Variants in NREP observed in about 807,000 individuals in gnomAD.
The protein encoded by NREP is neuronal regeneration related protein.
Under a neutral mutation model 8.6 loss-of-function variants are expected in NREP, and 5 were observed. The observed-to-expected ratio is 0.58, with a 90% CI of 0.30 to 1.22. The LOEUF (loss-of-function observed/expected upper bound fraction) is 1.22, where lower values mean the gene tolerates loss of function less well. Ranked by LOEUF, NREP falls within the 50% of genes most tolerant of loss-of-function variation. The pLI is 0.07. For missense variants in NREP, 86 were observed against 82.5 expected, an observed-to-expected ratio of 1.04 and a Z score of -0.17; for synonymous variants, 27 against 28.0, an observed-to-expected ratio of 0.96 and a Z score of 0.11.
chr5:111,832,560 G>A (rs948109066), intron 2 of NREP, among the ~76,000 whole-genome samples: 6 of 152,138 alleles, frequency 3.9e-5, no homozygotes, highest in Middle Eastern at 6.8e-3. Flanking sequence ...GACCATCCTG[G>A]AGGCTTCCTC....
chr5:111,768,148 A>G (rs1457177692), intron 2 of NREP, among the ~76,000 whole-genome samples: 1 of 152,212 alleles, frequency 6.6e-6, no homozygotes, highest in African/African-American at 2.4e-5. Flanking sequence ...TTTAAAGCAA[A>G]TAAACAAAAA....
At chr5:111,809,675 C>T (rs1752224603) in intron 2 of NREP, among the ~76,000 whole-genome samples, 5 of 152,114 alleles carry the variant, frequency 3.3e-5, no homozygotes. Flanking sequence ...ACAGTAAGCC[C>T]TCACCAGAAG....
rs192159043 is a variant in NREP at position 111,860,692 on chromosome 5, C to G, written c.135+114582G>C. Reference sequence around the variant, plus strand: ...TTCTAACTTTATTTCCTATTTGTCACCTGACATATAATAGACACCATTTAA... The same window carrying G: ...TTCTAACTTTATTTCCTATTTGTCAGCTGACATATAATAGACACCATTTAA... On this transcript the variant is annotated intron_variant, in intron 2 of 3. Transcript: ENST00000395634. Among the ~76,000 whole-genome samples, 374 of 152,232 alleles carry G rather than the reference C, an allele frequency of 2.5e-3. 3 individuals carry two copies. Among genetic ancestry groups the G allele is most frequent in the African/African-American group, 8.5e-3 (352 of 41,532 alleles).
chr5:111,863,256 T>G (rs1034349286), intron 2 of NREP, among the ~76,000 whole-genome samples: 4 of 152,014 alleles, frequency 2.6e-5, no homozygotes, highest in Admixed American at 6.6e-5. Context: ...GGAGAGTGAG[T>G]AAGAGAAGAA....
chr5:111,818,757 T>G (rs1752449642), intron 2 of NREP, among the ~76,000 whole-genome samples: 1 of 152,168 alleles, frequency 6.6e-6, no homozygotes, highest in African/African-American at 2.4e-5. Context: ...TGACAAAAAT[T>G]GAAAACAATC....
At chr5:111,854,382 G>A (rs1174532988) in intron 2 of NREP, among the ~76,000 whole-genome samples, 1 of 152,164 alleles carries the variant, frequency 6.6e-6, no homozygotes, top group African/African-American at 2.4e-5. Context: ...ACCTGCTGAT[G>A]GAGCCCTAGT....
intron 2 of NREP, among the ~76,000 whole-genome samples, chr5:111,805,493 G>C (rs963867386): frequency 6.6e-6 from 1 of 152,188 alleles, no homozygotes; most frequent in Non-Finnish European, 1.5e-5. Context: ...TAAAAATATT[G>C]AGGAATACCT....
intron 2 of NREP, among the ~76,000 whole-genome samples, chr5:111,863,007 G>T (rs371772347): frequency 1.3e-5 from 2 of 151,224 alleles, no homozygotes; most frequent in Non-Finnish European, 2.9e-5. Context: ...GCCATTAAGA[G>T]TGTTTAATTA....
chr5:111,890,544 C>T (rs568079156), intron 2 of NREP, among the ~76,000 whole-genome samples: 2 of 152,186 alleles, frequency 1.3e-5, no homozygotes, highest in Non-Finnish European at 2.9e-5. Context: ...CTTGTGACAG[C>T]CCCATCCAAA....
intron 2 of NREP, among the ~76,000 whole-genome samples, chr5:111,961,948 G>C (rs1233624347): frequency 1.3e-5 from 2 of 152,124 alleles, no homozygotes; most frequent in East Asian, 3.8e-4. Context: ...TAAAAGCTTT[G>C]GAAGAAGGGA....
intron 2 of NREP, among the ~76,000 whole-genome samples, chr5:111,826,771 G>A: frequency 6.6e-6 from 1 of 152,192 alleles, no homozygotes; most frequent in East Asian, 1.9e-4. Context: ...CTGGCCTCAA[G>A]TGATCCACCT....
At chr5:111,912,657 A>G (rs766893591) in intron 2 of NREP, 1 of 152,088 alleles carries the variant, frequency 6.6e-6, no homozygotes, top group Non-Finnish European at 1.5e-5. Context: ...CTAATAACTG[A>G]AGACAGGATC....
intron 2 of NREP, among the ~76,000 whole-genome samples, chr5:111,899,303 C>G (rs989716832): frequency 1.3e-5 from 2 of 152,042 alleles, no homozygotes; most frequent in Non-Finnish European, 1.5e-5. Flanking sequence ...TGCTTGTGGC[C>G]AGGAATTTGA....
At chr5:111,858,161 C>T (rs916707850) in intron 2 of NREP, among the ~76,000 whole-genome samples, 6 of 152,116 alleles carry the variant, frequency 3.9e-5, no homozygotes, top group African/African-American at 1.4e-4. Flanking sequence ...ACCAGACCTA[C>T]TGAGTCTGAA....
intron 2 of NREP, among the ~76,000 whole-genome samples, chr5:111,908,392 C>A (rs981617212): frequency 1.3e-5 from 2 of 152,106 alleles, no homozygotes; most frequent in Admixed American, 6.6e-5. Context: ...AGGTAGTAAG[C>A]ATAATGCTCA....
intron 2 of NREP, among the ~76,000 whole-genome samples, chr5:111,850,887 T>C (rs1753290896): frequency 6.6e-6 from 1 of 152,204 alleles, no homozygotes; most frequent in African/African-American, 2.4e-5. Context: ...AAAACAGGGT[T>C]TGAATTACTA....
In NREP at chr5:111,798,474, G is replaced by C. The variant is rs113021650; in HGVS notation, c.136-62967C>G. Among the ~76,000 whole-genome samples, 1,423 of 152,196 alleles carry C rather than the reference G, an allele frequency of 9.3e-3. 30 individuals carry two copies. Among genetic ancestry groups the C allele is most frequent in the African/African-American group, 0.033 (1,355 of 41,502 alleles). On this transcript the variant is annotated intron_variant, in intron 2 of 3. Transcript: ENST00000395634. ...TTTTGGTGCACCCATCACCCGAGCA[G>C]TGTACACTGTATCCAGTGCGTAGTC...
intron 2 of NREP, among the ~76,000 whole-genome samples, chr5:111,901,574 G>T (rs1116411): frequency 0.6 from 91,314 of 151,832 alleles, 27,878 homozygotes; most frequent in Non-Finnish European, 0.65. Flanking sequence ...CTGAAGATTC[G>T]ACCCCAAAAC....
At chr5:111,950,699 G>GA (rs199589410) in intron 2 of NREP, among the ~76,000 whole-genome samples, 8,112 of 118,698 alleles carry the variant, frequency 0.068, 497 homozygotes, top group East Asian at 0.28. Context: ...AAATTTACAA[G>GA]AAAAAAAAAA....
Sources: allele counts gnomAD v4.1 joint callset (sites outside exome capture counted in the v4.1 genomes callset), GRCh38; gene constraint gnomAD v4.1.1; transcripts MANE v1.5; gene names NCBI Gene and HGNC (gene_info 2026-07-23, HGNC 2026-07-21).